The following MARCHF11 variants were observed in gnomAD, a reference collection of about 807,000 sequenced individuals.
MARCHF11 encodes the protein membrane associated ring-CH-type finger 11, also known as E3 ubiquitin-protein ligase MARCHF11.
In MARCHF11, 29 loss-of-function variants were observed where a neutral mutation model predicts 37.3. The observed-to-expected ratio is 0.78, with a 90% CI of 0.58 to 1.06. The LOEUF is 1.06. Ranked by LOEUF, MARCHF11 falls within the 50% of genes least tolerant of loss-of-function variation. The pLI is 0.00. For missense variants in MARCHF11, 482 were observed against 533.4 expected, an observed-to-expected ratio of 0.90 and a Z score of 0.95; for synonymous variants, 233 against 228.0, an observed-to-expected ratio of 1.02 and a Z score of -0.20.
intron 2 of MARCHF11, among the ~76,000 whole-genome samples, chr5:16,158,833 C>T (rs928279216): frequency 1.3e-5 from 2 of 151,876 alleles, no homozygotes; most frequent in Admixed American, 6.6e-5. Context: ...AGCATGCATT[C>T]GTTATTTTTC....
chr5:16,137,902 T>C (rs1478527588), intron 2 of MARCHF11, among the ~76,000 whole-genome samples: 1 of 152,182 alleles, frequency 6.6e-6, no homozygotes, highest in South Asian at 2.1e-4. Flanking sequence ...AAAGCATTCA[T>C]GATGTGACTT....
At chr5:16,103,808 C>T (rs1233669618) in intron 2 of MARCHF11, among the ~76,000 whole-genome samples, 1 of 152,100 alleles carries the variant, frequency 6.6e-6, no homozygotes, top group Non-Finnish European at 1.5e-5. Context: ...ACCACCAGGC[C>T]ATGAGAATCT....
intron 2 of MARCHF11, among the ~76,000 whole-genome samples, chr5:16,094,015 C>T (rs1012262349): frequency 6.6e-6 from 1 of 151,962 alleles, no homozygotes; most frequent in African/African-American, 2.4e-5. Context: ...ACTGATGAAC[C>T]TTAAAATTAA....
At chr5:16,143,463 A>G (rs979163338) in intron 2 of MARCHF11, among the ~76,000 whole-genome samples, 2 of 152,182 alleles carry the variant, frequency 1.3e-5, no homozygotes, top group Non-Finnish European at 2.9e-5. Flanking sequence ...GTGCTGGTTC[A>G]CCAGGCCACT....
At chr5:16,083,862 G>A (rs984021866) in intron 3 of MARCHF11, among the ~76,000 whole-genome samples, 1 of 152,182 alleles carries the variant, frequency 6.6e-6, no homozygotes, top group Admixed American at 6.5e-5. Flanking sequence ...CAAGGAGGAC[G>A]ACGATGACCT....
chr5:16,079,430 T>A (rs1736570230), intron 3 of MARCHF11, among the ~76,000 whole-genome samples: 1 of 152,188 alleles, frequency 6.6e-6, no homozygotes, highest in African/African-American at 2.4e-5. Flanking sequence ...CCTTCTCTCC[T>A]CACTTGAGGG....
At chr5:16,069,308 T>C (rs938024932) in intron 3 of MARCHF11, among the ~76,000 whole-genome samples, 3 of 152,046 alleles carry the variant, frequency 2.0e-5, no homozygotes, top group African/African-American at 4.8e-5. Flanking sequence ...ATGGTAGACA[T>C]ATAAAAGCAT....
intron 2 of MARCHF11, among the ~76,000 whole-genome samples, chr5:16,144,947 T>C (rs1233194064): frequency 6.6e-6 from 1 of 151,866 alleles, no homozygotes; most frequent in Non-Finnish European, 1.5e-5. Context: ...GAAAAAGAGG[T>C]TGTAGGTGGA....
In MARCHF11 at chr5:16,109,321, T is replaced by A. The variant is rs535100150; in HGVS notation, c.694-18240A>T. 1.1e-4 allele frequency among the ~76,000 whole-genome samples: 16 copies of A among 152,252 alleles called. No individual in the cohort carries two copies. The East Asian group carries it at 3.1e-3, about 30-fold the overall frequency. ...CAGGGCTAATGTTTTTAGCCCCGCT[T>A]CCTGAACTCCAGGGAGAAAAGAGGA... is the stretch of plus-strand genomic sequence containing the variant. On this transcript the variant is annotated intron_variant, in intron 2 of 3. Coordinates refer to ENST00000332432, the MANE Select transcript of MARCHF11 (RefSeq NM_001102562.3).
chr5:16,095,003 C>T (rs1447442304), intron 2 of MARCHF11, among the ~76,000 whole-genome samples: 3 of 152,134 alleles, frequency 2.0e-5, no homozygotes, highest in African/African-American at 7.2e-5. Context: ...CCCAAGGTTA[C>T]ACATCCAGTG....
intron 2 of MARCHF11, among the ~76,000 whole-genome samples, chr5:16,151,649 ATGTGTGTGTGTGTGTGTGTGTGTG>A (rs58891017): frequency 7.6e-6 from 1 of 131,410 alleles, no homozygotes; most frequent in African/African-American, 2.9e-5. Context: ...CGTGAGTTGA[ATGTGTGTGTGTGTGTGTGTGTGTG>A]TGTGTGTGTG....
intron 2 of MARCHF11, among the ~76,000 whole-genome samples, chr5:16,140,034 T>C (rs1737676452): frequency 6.6e-6 from 1 of 152,112 alleles, no homozygotes; most frequent in Non-Finnish European, 1.5e-5. Flanking sequence ...CCCTGCCATC[T>C]GTAAAATTTT....
chr5:16,112,532 G>A (rs1029534052), intron 2 of MARCHF11, among the ~76,000 whole-genome samples: 1 of 152,178 alleles, frequency 6.6e-6, no homozygotes, highest in African/African-American at 2.4e-5. Context: ...TACCCACATT[G>A]TATCTAGGAA....
At chr5:16,160,362 A>C in intron 2 of MARCHF11, among the ~76,000 whole-genome samples, 1 of 144,536 alleles carries the variant, frequency 6.9e-6, no homozygotes, top group South Asian at 2.1e-4. Context: ...TAAATATTTA[A>C]TATATAAATA....
chr5:16,156,122 A>C (rs938023379), intron 2 of MARCHF11, among the ~76,000 whole-genome samples: 1 of 151,946 alleles, frequency 6.6e-6, no homozygotes, highest in Non-Finnish European at 1.5e-5. Flanking sequence ...TAAAGAAATA[A>C]ATTCTTTGTA....
At chr5:16,075,159 TC>T (rs1465874286) in intron 3 of MARCHF11, among the ~76,000 whole-genome samples, 3 of 152,236 alleles carry the variant, frequency 2.0e-5, no homozygotes, top group African/African-American at 7.2e-5. Flanking sequence ...TTAATGACCA[TC>T]CCCCACGTCA....
intron 1 of MARCHF11, 84 bp from the exon 2 acceptor site, chr5:16,177,965 G>A: frequency 7.3e-7 from 1 of 1,362,054 alleles, no homozygotes; most frequent in Non-Finnish European, 9.9e-7. Context: ...TTCTTTCAAA[G>A]CCATTTACTC....
chr5:16,134,026 C>A (rs1737565653), intron 2 of MARCHF11, among the ~76,000 whole-genome samples: 1 of 152,098 alleles, frequency 6.6e-6, no homozygotes, highest in South Asian at 2.1e-4. Context: ...TCATAAACAT[C>A]ATAAACTAGT....
At chr5:16,176,358 T>C (rs1368605064) in intron 2 of MARCHF11, among the ~76,000 whole-genome samples, 5 of 152,302 alleles carry the variant, frequency 3.3e-5, no homozygotes, top group African/African-American at 1.2e-4. Context: ...GATCCAATTA[T>C]ACTACCTATA....
Sources: allele counts gnomAD v4.1 joint callset (sites outside exome capture counted in the v4.1 genomes callset), GRCh38; gene constraint gnomAD v4.1.1; transcripts MANE v1.5; gene names NCBI Gene and HGNC (gene_info 2026-07-23, HGNC 2026-07-21).